The following KRT80 variants were observed in gnomAD, a reference collection of about 807,000 sequenced individuals.
KRT80 encodes keratin, type II cytoskeletal 80.
Under a neutral mutation model 51.5 loss-of-function variants are expected in KRT80, and 36 were observed. The ratio of observed to expected loss-of-function variants is 0.70; its 90% CI spans 0.54 to 0.92. The LOEUF (loss-of-function observed/expected upper bound fraction) is 0.92. KRT80 is among the 40% of genes least tolerant of loss of function. KRT80 has a pLI of 0.00. For missense variants in KRT80, 566 were observed against 591.7 expected (o/e 0.96, Z 0.45); for synonymous variants, 235 against 248.3 (o/e 0.95, Z 0.50).
At position 52,169,515 on chromosome 12, in the gene KRT80, C is replaced by T. The variant is rs1941049002; in HGVS notation, c.*1883G>A. 1 of 152,756 alleles carries T rather than the reference C, an allele frequency of 6.5e-6. No homozygotes were observed. Among genetic ancestry groups the T allele is most frequent in the South Asian group, 2.1e-4 (1 of 4,826 alleles). 9.5% of individuals were successfully genotyped at this position (152,756 alleles called of 1,614,324 possible). Reference sequence around the variant, plus strand: ...TCCTGAGAGGGGAGATAAAAACAGACACACAGCTTTCTCCATAGACAAATC... The same window carrying T: ...TCCTGAGAGGGGAGATAAAAACAGATACACAGCTTTCTCCATAGACAAATC... On this transcript the variant is annotated 3_prime_UTR_variant, in exon 9 of 9. Transcript: ENST00000394815.
chr12:52,181,452 G>T (rs1200011415), intron 2 of KRT80, among the ~76,000 whole-genome samples: 1 of 152,146 alleles, frequency 6.6e-6, no homozygotes, highest in Non-Finnish European at 1.5e-5. Context: ...CCATCCCATT[G>T]TATTCCCTCC....
rs140062194 is a variant in KRT80 at position 52,173,098 on chromosome 12, G to A, written c.897C>T (p.Ile299=). The change falls in exon 6 of 9, where the codon ATC becomes ATT. Residue 299 remains isoleucine, a synonymous_variant. Transcript: ENST00000394815. Reference sequence around the variant, plus strand: ...TCTGGATGCGCACATTGAGATCCGCGATCTCGCTGCGGCTGCTCTGGAGGC... The same window carrying A: ...TCTGGATGCGCACATTGAGATCCGCAATCTCGCTGCGGCTGCTCTGGAGGC... ...GSSLQSSRSE[I]ADLNVRIQKL... The A allele has an allele frequency of 3.1e-6, 5 of 1,613,456 alleles. No individual in the cohort carries two copies. Among genetic ancestry groups the A allele is most frequent in the Admixed American group, 1.7e-5 (1 of 59,994 alleles).
At chr12:52,181,967 G>T (rs1400091999) in intron 2 of KRT80, among the ~76,000 whole-genome samples, 1 of 152,224 alleles carries the variant, frequency 6.6e-6, no homozygotes, top group Admixed American at 6.5e-5. Flanking sequence ...TCCCAGCAGG[G>T]CTGCGTCACT....
chr12:52,173,050 A>G lies in KRT80; in HGVS notation c.945T>C (p.Ser315=), dbSNP rs779158550. 37 of 1,611,142 alleles carry G rather than the reference A, an allele frequency of 2.3e-5. 1 individual carries two copies. The South Asian group carries it at 3.7e-4, about 16-fold the overall frequency. Residue 315 remains serine (S), a synonymous_variant, in exon 6 of 9, where the codon TCT becomes TCC. Coordinates refer to ENST00000394815, the MANE Select transcript of KRT80 (RefSeq NM_182507.3). ...CCCAGATACTCACATGGCTCTTGACAGAGAGGATCTGGGACCGCAGCTTCT... is the reference window on the plus strand; with the variant it reads ...CCCAGATACTCACATGGCTCTTGACGGAGAGGATCTGGGACCGCAGCTTCT... ...RIQKLRSQIL[S]VKSHCLKLEE... is the part of the protein sequence containing the mutation.
chr12:52,174,865 C>G (rs1429894050), intron 4 of KRT80, among the ~76,000 whole-genome samples: 1 of 152,040 alleles, frequency 6.6e-6, no homozygotes, highest in Admixed American at 6.5e-5. Flanking sequence ...CCAGGGATCT[C>G]TAGAGGTTGC....
intron 1 of KRT80, among the ~76,000 whole-genome samples, chr12:52,188,070 G>A (rs1941431843): frequency 6.6e-6 from 1 of 152,124 alleles, no homozygotes; most frequent in Admixed American, 6.5e-5. Context: ...GGAGTCTCTG[G>A]TTGTCTCAGT....
chr12:52,181,215 C>T (rs1354563612), intron 2 of KRT80, among the ~76,000 whole-genome samples: 1 of 152,174 alleles, frequency 6.6e-6, no homozygotes, highest in Non-Finnish European at 1.5e-5. Context: ...GGCTTCTGCC[C>T]TTTCCTGGCT....
chr12:52,171,256 G>T lies in KRT80; in HGVS notation c.*142C>A. The T allele has an allele frequency of 1.1e-6, 1 of 872,280 alleles. No individual in the cohort carries two copies. The highest frequency in any genetic ancestry group is 1.8e-6 in the Non-Finnish European group (1 of 566,792). The allele number at this position is 872,280 out of a possible 1,614,324, so 54.0% of individuals were successfully genotyped here. On this transcript the variant is annotated 3_prime_UTR_variant, in exon 9 of 9. Transcript: ENST00000394815. ...CCACCCTGGCAGCCCACAAAACACAGTCAGTTTTGAACCCCTCTCTCAGTT... is the reference window on the plus strand; with the variant it reads ...CCACCCTGGCAGCCCACAAAACACATTCAGTTTTGAACCCCTCTCTCAGTT...
At position 52,171,730 on chromosome 12, in the gene KRT80, G is replaced by T; in HGVS notation, c.1179-17C>A. 2 of 1,436,474 alleles carry T rather than the reference G, an allele frequency of 1.4e-6. No individual in the cohort carries two copies. Among genetic ancestry groups the T allele is most frequent in the South Asian group, 1.2e-5 (1 of 81,724 alleles). The allele number at this position is 1,436,474 out of a possible 1,614,324, so 89.0% of individuals were successfully genotyped here. A position where few individuals can be genotyped will look rare whatever the true frequency, so the allele number is the denominator to read the frequency against. ...GAGTCCATCCTGGGGGTGGGGGACG[G>T]GGGGGTGGGAGAGGGATATGATGGG... On this transcript the variant is annotated splice_polypyrimidine_tract_variant and intron_variant, in intron 7 of 8. Transcript: ENST00000394815.
chr12:52,184,418 C>G (rs1002909745), intron 2 of KRT80, among the ~76,000 whole-genome samples: 6 of 152,214 alleles, frequency 3.9e-5, no homozygotes, highest in Admixed American at 1.3e-4. Context: ...GAGTGACCAG[C>G]CTTCCCTTTT....
intron 4 of KRT80, among the ~76,000 whole-genome samples, chr12:52,176,508 T>C (rs1443536747): frequency 6.7e-6 from 1 of 148,872 alleles, no homozygotes; most frequent in Non-Finnish European, 1.5e-5. Flanking sequence ...TGAGATGGAG[T>C]TTCACTCTTG....
intron 1 of KRT80, among the ~76,000 whole-genome samples, chr12:52,187,956 T>C (rs1941429956): frequency 1.3e-5 from 2 of 152,158 alleles, no homozygotes; most frequent in South Asian, 4.1e-4. Context: ...GCTTCAGCAC[T>C]AGCTCGCTGG....
At chr12:52,185,280 A>G in intron 2 of KRT80, 99 bp downstream of exon 2, 1 of 1,174,612 alleles carries the variant, frequency 8.5e-7, no homozygotes, top group Admixed American at 2.2e-5. Flanking sequence ...ATGTTGCAGA[A>G]CATCTTTCCT....
chr12:52,178,566 G>A (rs571194221), intron 4 of KRT80, among the ~76,000 whole-genome samples: 5 of 152,294 alleles, frequency 3.3e-5, no homozygotes, highest in Admixed American at 6.5e-5. Context: ...CGGCTCCAGC[G>A]CAGCACCCGG....
rs1205665447 is a variant in KRT80, at chr12:52,173,055, G to T, written c.940C>A (p.Leu314Ile). 1.2e-6 allele frequency: 2 copies of T among 1,611,914 alleles called. No individual in the cohort carries two copies. Among genetic ancestry groups the T allele is most frequent in the Non-Finnish European group, 1.7e-6 (2 of 1,178,444 alleles). ...VRIQKLRSQI[L>I]SVKSHCLKLE... ...ATACTCACATGGCTCTTGACAGAGA[G>T]GATCTGGGACCGCAGCTTCTGGATG... The change falls in exon 6 of 9, where the codon CTC (leucine) becomes ATC (isoleucine). Residue 314 changes from leucine (L) to isoleucine (I), a missense_variant. Leu to Ile is a conservative substitution (Grantham distance 5, BLOSUM62 2). Coordinates refer to ENST00000394815, the MANE Select transcript of KRT80 (RefSeq NM_182507.3).
chr12:52,173,649 G>T lies in KRT80; in HGVS notation c.782C>A (p.Ala261Asp), dbSNP rs750697351. Residue 261 changes from alanine (A) to aspartate (D), a missense_variant, in exon 5 of 9, where the codon GCC becomes GAC. Physicochemically the swap from Ala to Asp is moderately radical, Grantham distance 126. Coordinates refer to ENST00000394815, the MANE Select transcript of KRT80 (RefSeq NM_182507.3). ...CTCCTCCAGGCTGCGAGCCGCGACG[G>T]CGTCATACTGGGCCTTCACCTCCTC... Reference protein sequence around the residue: ...IVEEVKAQYDAVAARSLEEAE... With the variant: ...IVEEVKAQYDDVAARSLEEAE... The T allele has an allele frequency of 6.2e-7, 1 of 1,613,116 alleles. No homozygotes were observed. Among genetic ancestry groups the T allele is most frequent in the East Asian group, 2.2e-5 (1 of 44,884 alleles).
intron 1 of KRT80, among the ~76,000 whole-genome samples, chr12:52,187,462 G>T (rs766549786): frequency 6.6e-6 from 1 of 152,182 alleles, no homozygotes; most frequent in African/African-American, 2.4e-5. Context: ...CTGCACCTTC[G>T]TAGGCTCCCG....
At chr12:52,182,722 A>C (rs1340649089) in intron 2 of KRT80, among the ~76,000 whole-genome samples, 2 of 152,128 alleles carry the variant, frequency 1.3e-5, no homozygotes, top group African/African-American at 4.8e-5. Flanking sequence ...TCTGGCAGAG[A>C]AGGACACCAG....
intron 4 of KRT80, among the ~76,000 whole-genome samples, chr12:52,175,297 G>A (rs1267808072): frequency 6.6e-6 from 1 of 152,118 alleles, no homozygotes; most frequent in African/African-American, 2.4e-5. Context: ...TTTGATTGTT[G>A]TACCCTGTGC....
Sources: gnomAD v4.1 joint callset for allele counts (sites outside exome capture counted in the v4.1 genomes callset) on GRCh38, gnomAD v4.1.1 for gene constraint, MANE v1.5 for transcripts, NCBI Gene and HGNC (gene_info 2026-07-23, HGNC 2026-07-21) for gene names.